The following SPTB variants were observed in gnomAD, a reference collection of about 807,000 sequenced individuals.
The protein encoded by SPTB is spectrin beta chain, erythrocytic.
A neutral mutation model predicts 256.2 loss-of-function variants in SPTB; 45 were observed. The observed-to-expected ratio is 0.18, with a 90% CI of 0.14 to 0.23. The LOEUF is 0.23. Among genes scored for constraint, SPTB ranks in the 10% least tolerant of loss-of-function variants. The pLI, the probability that SPTB is intolerant of heterozygous loss-of-function variation, is 1.00. For missense variants in SPTB, 2,715 were observed against 3,040.4 expected, an observed-to-expected ratio of 0.89 and a Z score of 2.52; for synonymous variants, 1,231 against 1,243.1, an observed-to-expected ratio of 0.99 and a Z score of 0.21.
intron 4 of SPTB, 53 bp downstream of exon 4, chr14:64,803,554 C>A (rs17767579): frequency 0.25 from 409,718 of 1,607,152 alleles, 53,549 homozygotes; most frequent in Middle Eastern, 0.31. Flanking sequence ...GATTCTAAGG[C>A]CCTGGGCAGC....
intron 23 of SPTB, among the ~76,000 whole-genome samples, 198 bp from the exon 24 acceptor site, chr14:64,774,725 C>T (rs1341729728): frequency 2.6e-5 from 4 of 152,170 alleles, no homozygotes; most frequent in Non-Finnish European, 1.5e-5. Flanking sequence ...CCTCTCTGGA[C>T]TCCCCTGATT....
chr14:64,798,314 A>G lies in SPTB; in HGVS notation c.1065-468T>C, dbSNP rs867501375. ...CCGTGGGAGAGCATCCTGCACTGAA[A>G]ACAGCTTTCACCCAGGTCCTAATGA... On this transcript the variant is annotated intron_variant, in intron 9 of 35. Coordinates refer to ENST00000644917, the MANE Select transcript of SPTB (RefSeq NM_001355436.2). Among the ~76,000 whole-genome samples the G allele has an allele frequency of 2.0e-5, 3 of 152,306 alleles. No individual in the cohort carries two copies. In the Middle Eastern group the frequency reaches 0.01, roughly 518 times the overall value.
At chr14:64,763,262 T>C (rs2082119795) in intron 32 of SPTB, among the ~76,000 whole-genome samples, 1 of 152,184 alleles carries the variant, frequency 6.6e-6, no homozygotes, top group Non-Finnish European at 1.5e-5. Context: ...GGGGAGATGC[T>C]TAGTCTGGAG....
rs1341623318 is a variant in SPTB, at chr14:64,801,346, C to T, written c.702G>A (p.Leu234=). 6.2e-7 allele frequency: 1 copy of T among 1,614,078 alleles called. No homozygotes were observed. The highest frequency in any genetic ancestry group is 1.3e-5 in the African/African-American group (1 of 74,940). The change falls in exon 7 of 36, where the codon CTG becomes CTA. Residue 234 remains leucine, a synonymous_variant. Coordinates refer to ENST00000644917, the MANE Select transcript of SPTB (RefSeq NM_001355436.2). Reference sequence around the variant, plus strand: ...GCTCAGCCACATTGAATGCGTGCTCCAGGTTGTGCCGGGCATTGGAGTCCT... The same window carrying T: ...GCTCAGCCACATTGAATGCGTGCTCTAGGTTGTGCCGGGCATTGGAGTCCT... ...KLKDSNARHN[L]EHAFNVAERQ... is the part of the protein sequence containing the mutation.
chr14:64,875,670 C>T (rs757370058), intron 1 of SPTB, among the ~76,000 whole-genome samples: 3 of 152,242 alleles, frequency 2.0e-5, no homozygotes, highest in African/African-American at 7.2e-5. Flanking sequence ...GAGTAACCTA[C>T]GATCTGTCTG....
Position 64,786,742 on chromosome 14 carries a change from C to T in SPTB, c.3223G>A (p.Ala1075Thr). The T allele has an allele frequency of 1.2e-6, 2 of 1,614,142 alleles. No individual in the cohort carries two copies. The highest frequency in any genetic ancestry group is 1.7e-5 in the Admixed American group (1 of 60,032). ...AFLQDLDDFQ[A>T]WLSITQKAVA... Reference sequence around the variant, plus strand: ...GCCTTCTGGGTGATGGAGAGCCAGGCCTGGAAGTCATCCAGATCCTGCAGG... The same window carrying T: ...GCCTTCTGGGTGATGGAGAGCCAGGTCTGGAAGTCATCCAGATCCTGCAGG... The change falls in exon 16 of 36, where the codon GCC (alanine) becomes ACC (threonine). Residue 1075 changes from alanine (A) to threonine (T), a missense_variant. Transcript: ENST00000644917. This position sits in a 1 kb window ranked among gnomAD's most constrained non-coding sequence, Gnocchi z 5.6.
At chr14:64,750,701 G>A (rs1338868105) in intron 33 of SPTB, among the ~76,000 whole-genome samples, 3 of 151,568 alleles carry the variant, frequency 2.0e-5, no homozygotes, top group African/African-American at 4.8e-5. Flanking sequence ...GCTTGAACCC[G>A]GGAGGCGAAG....
rs1354144509 is a variant in SPTB, at chr14:64,792,999, G to C, written c.2664C>G (p.His888Gln). 1.9e-6 allele frequency: 3 copies of C among 1,613,940 alleles called. No homozygotes were observed. Among genetic ancestry groups the C allele is most frequent in the Admixed American group, 3.3e-5 (2 of 60,016 alleles). The stretch of plus-strand genomic sequence containing the variant: ...GGAAAAGATGAGTTAACTCTGACCT[G>C]TGCTGCACGACCTCCAGGTCCTCCA... ...DTLEDLEVVQ[H>Q]RFDILDQEMK... The change falls in exon 14 of 36, where the codon CAC (histidine) becomes CAG (glutamine). Residue 888 changes from histidine (H) to glutamine (Q), a missense_variant and splice_region_variant. Transcript: ENST00000644917. The surrounding 1 kb of genome is among the most constrained non-coding windows in gnomAD (Gnocchi z 4.2).
Position 64,826,234 on chromosome 14 carries a change from A to G in SPTB, c.-51-3089T>C, listed in dbSNP as rs1215324054. Among the ~76,000 whole-genome samples, 1 of 152,238 alleles carries G rather than the reference A, an allele frequency of 6.6e-6. No individual in the cohort carries two copies. Among genetic ancestry groups the G allele is most frequent in the African/African-American group, 2.4e-5 (1 of 41,462 alleles). ...ATAAATAAGAGAACAGGAAAGCTAC[A>G]GATAGTTAACAAAAAGCAAACACGA... On this transcript the variant is annotated intron_variant, in intron 1 of 35. Transcript: ENST00000644917. This position sits in a 1 kb window ranked among gnomAD's most constrained non-coding sequence, Gnocchi z 4.4.
Position 64,749,216 on chromosome 14 carries a change from C to CGACCGGCG in SPTB, c.*82_*89dup. On this transcript the variant is annotated 3_prime_UTR_variant, in exon 36 of 36. Transcript: ENST00000644917. The surrounding 1 kb of genome is among the most constrained non-coding windows in gnomAD (Gnocchi z 4.7). ...GCCCGCGACTCGACTCATCTCGATT[C>CGACCGGCG]GACCGGCGGGCGGCGGCGAGAGGAG... The CGACCGGCG allele has an allele frequency of 6.8e-7, 1 of 1,473,666 alleles. No individual in the cohort carries two copies. Among genetic ancestry groups the CGACCGGCG allele is most frequent in the South Asian group, 1.2e-5 (1 of 82,380 alleles). 91.3% of individuals were successfully genotyped at this position (1,473,666 alleles called of 1,614,324 possible).
chr14:64,747,566 T>TGACA lies in SPTB; in HGVS notation c.*1736_*1739dup, dbSNP rs1378347789. The TGACA allele has an allele frequency of 6.6e-6, 1 of 152,454 alleles. No homozygotes were observed. The highest frequency in any genetic ancestry group is 1.5e-5 in the Non-Finnish European group (1 of 68,038). The allele number at this position is 152,454 out of a possible 1,614,324, so 9.4% of individuals were successfully genotyped here. A position where few individuals can be genotyped will look rare whatever the true frequency, so the allele number is the denominator to read the frequency against. On this transcript the variant is annotated 3_prime_UTR_variant, in exon 36 of 36. Coordinates refer to ENST00000644917, the MANE Select transcript of SPTB (RefSeq NM_001355436.2). ...CTGCCTGCTGCAGTTGGTGTCACCC[T>TGACA]GACATATAGTGTCAGGGCCACAGGG...
At chr14:64,818,275 C>T (rs1364123453) in intron 2 of SPTB, among the ~76,000 whole-genome samples, 1 of 152,228 alleles carries the variant, frequency 6.6e-6, no homozygotes, top group African/African-American at 2.4e-5. Context: ...ACAGGCCCTT[C>T]GCAGGAGGCT....
chr14:64,771,686 T>C lies in SPTB; in HGVS notation c.5554-557A>G, dbSNP rs60086969. Among the ~76,000 whole-genome samples the C allele has an allele frequency of 9.0e-4, 137 of 152,224 alleles. 1 individual carries two copies. The highest frequency in any genetic ancestry group is 3.2e-3 in the African/African-American group (132 of 41,528). ...TGATTGAGGCTGGCCCTGGGGACAG[T>C]GAAACCTCACTCCTAAGACCTCAGT... is the stretch of plus-strand genomic sequence containing the variant. On this transcript the variant is annotated intron_variant, in intron 26 of 35. Coordinates refer to ENST00000644917, the MANE Select transcript of SPTB (RefSeq NM_001355436.2).
intron 33 of SPTB, chr14:64,752,182 G>C: frequency 5.2e-6 from 7 of 1,344,040 alleles, no homozygotes; most frequent in Non-Finnish European, 6.9e-6. Context: ...ACTGATAACA[G>C]GTGGGCTAGC....
intron 1 of SPTB, among the ~76,000 whole-genome samples, chr14:64,862,708 T>C (rs1160091548): frequency 6.6e-6 from 1 of 151,968 alleles, no homozygotes; most frequent in Non-Finnish European, 1.5e-5. Flanking sequence ...ACCCCGTCTC[T>C]ACTAAAAATA....
intron 15 of SPTB, 102 bp from the exon 16 acceptor site, chr14:64,787,262 C>T (rs2082589095): frequency 5.5e-6 from 8 of 1,465,960 alleles, no homozygotes; most frequent in African/African-American, 4.2e-5. Flanking sequence ...CACAAGTCTC[C>T]CCCCACAGAC....
chr14:64,748,353 G>C lies in SPTB; in HGVS notation c.*953C>G. On this transcript the variant is annotated 3_prime_UTR_variant, in exon 36 of 36. Coordinates refer to ENST00000644917, the MANE Select transcript of SPTB (RefSeq NM_001355436.2). ...GGGGGCCCACACTGTCCCGTAGGGGGCCTATGTCTGTTGGATATTGCTGGT... is the reference window on the plus strand; with the variant it reads ...GGGGGCCCACACTGTCCCGTAGGGGCCCTATGTCTGTTGGATATTGCTGGT... 1 of 152,420 alleles carries C rather than the reference G, an allele frequency of 6.6e-6. No homozygotes were observed. Among genetic ancestry groups the C allele is most frequent in the Non-Finnish European group, 1.5e-5 (1 of 68,106 alleles). The allele number at this position is 152,420 out of a possible 1,614,324, so 9.4% of individuals were successfully genotyped here. A position where few individuals can be genotyped will look rare whatever the true frequency, so the allele number is the denominator to read the frequency against.
chr14:64,821,934 G>C (rs1343793163), intron 2 of SPTB, among the ~76,000 whole-genome samples: 1 of 152,188 alleles, frequency 6.6e-6, no homozygotes, highest in Non-Finnish European at 1.5e-5. Flanking sequence ...GTATCTGGGA[G>C]CTGAGTACAG....
chr14:64,797,335 T>C (rs1284439780), intron 10 of SPTB, among the ~76,000 whole-genome samples: 1 of 151,672 alleles, frequency 6.6e-6, no homozygotes, highest in African/African-American at 2.4e-5. Context: ...CCAGGTGTGG[T>C]GGTGCATGCC....
Sources: allele counts gnomAD v4.1 joint callset (sites outside exome capture counted in the v4.1 genomes callset), GRCh38; gene constraint gnomAD v4.1.1; non-coding constraint Gnocchi (gnomAD v3.1); transcripts MANE v1.5; gene names NCBI Gene and HGNC (gene_info 2026-07-23, HGNC 2026-07-21).